The following UGGT2 variants were observed in gnomAD, a reference collection of about 807,000 sequenced individuals.
UGGT2 encodes UDP-glucose:glycoprotein glucosyltransferase 2.
A neutral mutation model predicts 192.1 loss-of-function variants in UGGT2; 180 were observed. The observed-to-expected ratio is 0.94, with a 90% CI of 0.83 to 1.06. The LOEUF is 1.06. Ranked by LOEUF, UGGT2 falls within the 50% of genes least tolerant of loss-of-function variation. UGGT2 has a pLI of 0.00. For missense variants in UGGT2, 1,849 were observed against 1,795.7 expected, an observed-to-expected ratio of 1.03 and a Z score of -0.54; for synonymous variants, 580 against 591.0, an observed-to-expected ratio of 0.98 and a Z score of 0.27.
intron 38 of UGGT2, among the ~76,000 whole-genome samples, chr13:95,820,482 G>A (rs1019658218): frequency 5.9e-5 from 9 of 152,030 alleles, no homozygotes; most frequent in Non-Finnish European, 1.3e-4. Flanking sequence ...TGAAAAAATT[G>A]CACAAAAGAG....
At chr13:95,861,709 C>T (rs2140086498) in intron 31 of UGGT2, among the ~76,000 whole-genome samples, 1 of 152,142 alleles carries the variant, frequency 6.6e-6, no homozygotes, top group South Asian at 2.1e-4. Flanking sequence ...CAACTTAAAT[C>T]ACCATCAAAG....
At chr13:95,987,341 A>T (rs934559003) in intron 8 of UGGT2, among the ~76,000 whole-genome samples, 1 of 152,116 alleles carries the variant, frequency 6.6e-6, no homozygotes, top group African/African-American at 2.4e-5. Flanking sequence ...GTCTACCTAG[A>T]TTTCTTGCTT....
chr13:95,927,160 TAAAG>T, intron 18 of UGGT2, 34 bp from the exon 19 acceptor site: 7 of 1,605,140 alleles, frequency 4.4e-6, no homozygotes, highest in Non-Finnish European at 5.1e-6. Flanking sequence ...TAAATATAAA[TAAAG>T]AATTCACAAC....
intron 38 of UGGT2, among the ~76,000 whole-genome samples, chr13:95,803,442 T>C (rs1884160553): frequency 1.3e-5 from 2 of 152,018 alleles, no homozygotes; most frequent in African/African-American, 2.4e-5. Context: ...GTATGTTTAG[T>C]AGAGACGGAG....
chr13:95,856,419 A>C, intron 33 of UGGT2, 79 bp from the exon 34 acceptor site: 1 of 1,473,102 alleles, frequency 6.8e-7, no homozygotes, highest in Non-Finnish European at 9.2e-7. Flanking sequence ...AACATTAAAA[A>C]GGTAAAGCTT....
chr13:95,841,170 A>C (rs1887816905), intron 36 of UGGT2, among the ~76,000 whole-genome samples: 1 of 152,210 alleles, frequency 6.6e-6, no homozygotes, highest in African/African-American at 2.4e-5. Context: ...TACCTACGTA[A>C]CAAACCTGCA....
At chr13:95,802,810 CTTT>C (rs970002882) in intron 38 of UGGT2, among the ~76,000 whole-genome samples, 2 of 143,726 alleles carry the variant, frequency 1.4e-5, no homozygotes, top group African/African-American at 5.3e-5. Flanking sequence ...ATTAGCTATC[CTTT>C]TTTGTTTGTT....
intron 17 of UGGT2, among the ~76,000 whole-genome samples, chr13:95,927,711 A>G (rs1488707886): frequency 6.6e-6 from 1 of 151,256 alleles, no homozygotes; most frequent in Non-Finnish European, 1.5e-5. Context: ...TGTTTCTCGG[A>G]GAGGGGGATT....
chr13:95,940,139 GTTTTC>G, intron 15 of UGGT2, 48 bp from the exon 16 acceptor site: 1 of 1,341,098 alleles, frequency 7.5e-7, no homozygotes, highest in Non-Finnish European at 9.9e-7. Flanking sequence ...ATAGCAATTA[GTTTTC>G]TTTTTTTTCC....
intron 10 of UGGT2, among the ~76,000 whole-genome samples, chr13:95,974,808 G>A (rs1292586540): frequency 6.6e-6 from 1 of 152,152 alleles, no homozygotes; most frequent in African/African-American, 2.4e-5. Context: ...GAGACTGGGT[G>A]CGGTGGCTCA....
intron 20 of UGGT2, among the ~76,000 whole-genome samples, chr13:95,912,071 T>C (rs1193568676): frequency 2.0e-5 from 3 of 152,210 alleles, no homozygotes; most frequent in Non-Finnish European, 4.4e-5. Context: ...AAACTAGGTA[T>C]TGATGGAACA....
At chr13:95,855,980 A>G (rs942033462) in intron 34 of UGGT2, among the ~76,000 whole-genome samples, 178 bp downstream of exon 34, 2 of 152,094 alleles carry the variant, frequency 1.3e-5, no homozygotes, top group Admixed American at 1.3e-4. Context: ...AATACCTTCA[A>G]TTTTCCCCTG....
intron 7 of UGGT2, chr13:95,990,842 T>C (rs1299247322): frequency 1.3e-5 from 2 of 152,278 alleles, no homozygotes; most frequent in Non-Finnish European, 2.9e-5. Flanking sequence ...GTTATCCACA[T>C]TAGGTATTTC....
At chr13:95,875,357 C>T (rs1442088555) in intron 29 of UGGT2, among the ~76,000 whole-genome samples, 1 of 152,066 alleles carries the variant, frequency 6.6e-6, no homozygotes, top group East Asian at 1.9e-4. Context: ...ATATGCTTTG[C>T]AAAGATTTTC....
intron 33 of UGGT2, among the ~76,000 whole-genome samples, chr13:95,857,704 T>G (rs1292206324): frequency 2.6e-5 from 4 of 152,098 alleles, no homozygotes; most frequent in African/African-American, 9.7e-5. Context: ...CACTAAGAAG[T>G]TTTCAAAAGA....
At chr13:95,987,447 C>T (rs2051323551) in intron 8 of UGGT2, among the ~76,000 whole-genome samples, 2 of 152,006 alleles carry the variant, frequency 1.3e-5, no homozygotes, top group Non-Finnish European at 2.9e-5. Context: ...TCAAAAACAC[C>T]CCATCACTTA....
intron 36 of UGGT2, among the ~76,000 whole-genome samples, chr13:95,845,221 G>C (rs1054162425): frequency 2.0e-5 from 3 of 151,358 alleles, no homozygotes; most frequent in Admixed American, 6.6e-5. Context: ...GGTGTTTCTC[G>C]GAGAGCGGGA....
In UGGT2 at chr13:96,032,015, A is replaced by C. The variant is rs750659648; in HGVS notation, c.159-44T>G. 39 of 1,454,818 alleles carry C rather than the reference A, an allele frequency of 2.7e-5. No individual in the cohort carries two copies. In the East Asian group the frequency reaches 8.4e-4, roughly 31 times the overall value. The allele number at this position is 1,454,818 out of a possible 1,614,324, so 90.1% of individuals were successfully genotyped here. On this transcript the variant is annotated intron_variant, in intron 1 of 38. Transcript: ENST00000376747. ...TAATCGGTTAGTAGATGGAATTTAA[A>C]ATGGTTTAGATACTATAAACTGTAC...
intron 38 of UGGT2, among the ~76,000 whole-genome samples, chr13:95,820,517 T>C (rs914821224): frequency 3.3e-5 from 5 of 152,310 alleles, no homozygotes; most frequent in Admixed American, 6.5e-5. Flanking sequence ...TCTATGAATA[T>C]TGAGGCAAAA....
Sources: allele counts gnomAD v4.1 joint callset (sites outside exome capture counted in the v4.1 genomes callset), GRCh38; gene constraint gnomAD v4.1.1; transcripts MANE v1.5; gene names NCBI Gene and HGNC (gene_info 2026-07-23, HGNC 2026-07-21).